C11orf65: variants seen among roughly 807,000 people sequenced by gnomAD.
C11orf65 encodes the protein chromosome 11 open reading frame 65.
Under a neutral mutation model 35.3 loss-of-function variants are expected in C11orf65, and 38 were observed. That is an observed-to-expected ratio of 1.08 (90% CI 0.83 to 1.41). C11orf65 has a LOEUF of 1.41. Among genes scored for constraint, C11orf65 ranks in the 40% most tolerant of loss-of-function variants. C11orf65 has a pLI of 0.00. For missense variants in C11orf65, 370 were observed against 367.1 expected (o/e 1.01, Z -0.06); for synonymous variants, 105 against 114.4 (o/e 0.92, Z 0.53).
At position 108,316,411 on chromosome 11, in the gene C11orf65, A is replaced by C. The variant is rs748211140; in HGVS notation, c.641-7340T>G. Among the ~76,000 whole-genome samples the C allele has an allele frequency of 3.4e-4, 51 of 152,202 alleles. 1 individual carries two copies. Among genetic ancestry groups the C allele is most frequent in the Non-Finnish European group, 1.2e-4 (8 of 68,036 alleles). On this transcript the variant is annotated intron_variant, in intron 6 of 6. Coordinates refer to the C11orf65 transcript ENST00000525729. ...AACAGAAGACATTGCTCGAGCATAT[A>C]CAATGTGCCAGGTAGTGTACTTACT...
intron 2 of C11orf65, among the ~76,000 whole-genome samples, chr11:108,357,967 G>A (rs1358574309): frequency 6.7e-6 from 1 of 149,752 alleles, no homozygotes; most frequent in Non-Finnish European, 1.5e-5. Context: ...CGAGCTGAGA[G>A]AAGAAGGCTT....
chr11:108,416,207 G>A (rs1371427038), intron 3 of C11orf65, among the ~76,000 whole-genome samples: 1 of 152,096 alleles, frequency 6.6e-6, no homozygotes, highest in Non-Finnish European at 1.5e-5. Flanking sequence ...ATCTGATAAA[G>A]GGCTGGTATT....
rs565625546 is a variant in C11orf65, at chr11:108,356,264, G to A, written c.227-20972C>T. Among the ~76,000 whole-genome samples the A allele has an allele frequency of 1.7e-4, 26 of 152,210 alleles. No individual in the cohort carries two copies. The East Asian group carries it at 2.7e-3, about 16-fold the overall frequency. The stretch of plus-strand genomic sequence containing the variant: ...ATGTAAGAAAAAGAGGGCTGGGCGC[G>A]GTGGCTCATGCCTGTAATCCCAGCA... On this transcript the variant is annotated intron_variant, in intron 2 of 3. Transcript: ENST00000524755.
intron 2 of C11orf65, among the ~76,000 whole-genome samples, chr11:108,373,894 G>A (rs1290021474): frequency 6.6e-6 from 1 of 152,152 alleles, no homozygotes; most frequent in Non-Finnish European, 1.5e-5. Context: ...GGCTTGGAGG[G>A]TCCTACGCCC....
intron 8 of C11orf65, among the ~76,000 whole-genome samples, chr11:108,384,528 T>C (rs1175960562): frequency 6.6e-6 from 1 of 152,054 alleles, no homozygotes; most frequent in Non-Finnish European, 1.5e-5. Context: ...GCACTCTGAA[T>C]CAAGAGTCCA....
intron 6 of C11orf65, among the ~76,000 whole-genome samples, chr11:108,309,808 T>C (rs750708283): frequency 2.4e-4 from 37 of 152,300 alleles, no homozygotes; most frequent in Non-Finnish European, 4.0e-4. Flanking sequence ...GGGGTGCTTG[T>C]GTGCATTTGT....
At position 108,388,795 on chromosome 11, in the gene C11orf65, T is replaced by A. The variant is rs117054822; in HGVS notation, c.732-2820A>T. ...TGTGGCATTGTGCATAACTCCGTGA[T>A]GGTGATGTGGGGATTGTTCTGGGTT... On this transcript the variant is annotated intron_variant, in intron 7 of 8. Transcript: ENST00000393084. Among the ~76,000 whole-genome samples the A allele has an allele frequency of 1.8e-3, 279 of 152,318 alleles. 1 individual carries two copies. The highest frequency in any genetic ancestry group is 3.2e-3 in the Non-Finnish European group (217 of 68,024).
chr11:108,411,227 C>T (rs2092650745), intron 3 of C11orf65, among the ~76,000 whole-genome samples: 1 of 151,554 alleles, frequency 6.6e-6, no homozygotes, highest in East Asian at 1.9e-4. Flanking sequence ...TCTTTTAATC[C>T]ATAGATTATT....
intron 8 of C11orf65, among the ~76,000 whole-genome samples, chr11:108,385,199 G>A (rs1348582702): frequency 6.6e-6 from 1 of 152,022 alleles, no homozygotes; most frequent in Non-Finnish European, 1.5e-5. Context: ...CAGCCTCCGA[G>A]TATCTGAGAT....
At chr11:108,344,247 G>A (rs1301662853) in intron 2 of C11orf65, among the ~76,000 whole-genome samples, 1 of 152,170 alleles carries the variant, frequency 6.6e-6, no homozygotes, top group Non-Finnish European at 1.5e-5. Flanking sequence ...TCTGCCTGGG[G>A]TGGGGAGAAT....
intron 3 of C11orf65, chr11:108,334,896 T>C: frequency 1.3e-6 from 2 of 1,510,760 alleles, no homozygotes; most frequent in Admixed American, 3.4e-5. Context: ...AAAATTGCCA[T>C]TTATAATGTA....
At chr11:108,384,475 G>T (rs1381850322) in intron 8 of C11orf65, among the ~76,000 whole-genome samples, 14 of 152,128 alleles carry the variant, frequency 9.2e-5, no homozygotes, top group Admixed American at 9.2e-4. Context: ...ACTTGCCCAA[G>T]ATCATATAGC....
chr11:108,335,129 G>A lies in C11orf65; in HGVS notation c.299+91C>T, dbSNP rs2136667224. The A allele has an allele frequency of 6.2e-7, 1 of 1,613,734 alleles. No individual in the cohort carries two copies. The highest frequency in any genetic ancestry group is 8.5e-7 in the Non-Finnish European group (1 of 1,179,876). On this transcript the variant is annotated intron_variant, in intron 3 of 3. Coordinates refer to the C11orf65 transcript ENST00000524755. ...GTTAAGGTGAGCCTTCCCTTCTCTG[G>A]CTTAGCCCTTAGAGTTTTAGTGATG...
At chr11:108,365,697 C>T (rs1260686510) in intron 2 of C11orf65, 2 of 730,374 alleles carry the variant, frequency 2.7e-6, no homozygotes, top group Non-Finnish European at 4.4e-6. Context: ...TAAGGAACAT[C>T]TCTGCTTTCA....
chr11:108,378,528 C>T (rs571057534), downstream of C11orf65, among the ~76,000 whole-genome samples: 58 of 127,416 alleles, frequency 4.6e-4, no homozygotes, highest in Middle Eastern at 0.019. Context: ...CATAAAAACC[C>T]TAGAAGAAAA....
intron 7 of C11orf65, 148 bp from the exon 8 acceptor site, chr11:108,386,123 T>C: frequency 1.5e-6 from 1 of 666,186 alleles, no homozygotes; most frequent in East Asian, 2.6e-5. Context: ...CTTTCTCACC[T>C]TCTAGTAGCT....
At chr11:108,319,037 C>T (rs1361158317) in intron 6 of C11orf65, among the ~76,000 whole-genome samples, 1 of 151,816 alleles carries the variant, frequency 6.6e-6, no homozygotes, top group African/African-American at 2.4e-5. Flanking sequence ...GTTAGCTGGG[C>T]AAGGTAGCAT....
chr11:108,333,606 C>T (rs1187618178), intron 3 of C11orf65, among the ~76,000 whole-genome samples: 4 of 152,110 alleles, frequency 2.6e-5, no homozygotes, highest in Non-Finnish European at 4.4e-5. Context: ...CAAACTATTA[C>T]GTAATTATTT....
intron 2 of C11orf65, among the ~76,000 whole-genome samples, chr11:108,344,961 C>T (rs2088118991): frequency 6.6e-6 from 1 of 152,000 alleles, no homozygotes; most frequent in South Asian, 2.1e-4. Flanking sequence ...TGTGATCACA[C>T]CCCTGCACTC....
Sources: gnomAD v4.1 joint callset for allele counts (sites outside exome capture counted in the v4.1 genomes callset) on GRCh38, gnomAD v4.1.1 for gene constraint, MANE v1.5 for transcripts, NCBI Gene and HGNC (gene_info 2026-07-23, HGNC 2026-07-21) for gene names.